SCRN3: variants seen among roughly 807,000 people sequenced by gnomAD.
The protein encoded by SCRN3 is secernin-3.
SCRN3 carries 39 observed loss-of-function variants against 43.1 expected under a neutral mutation model. The observed-to-expected ratio is 0.91, with a 90% confidence interval of 0.70 to 1.18. SCRN3 has a LOEUF of 1.18. SCRN3 is among the 50% of genes most tolerant of loss of function. The probability of loss-of-function intolerance (pLI) is 0.00; values close to 1 mark genes in which losing one functional copy is unlikely to be tolerated. For missense variants in SCRN3, 484 were observed against 498.0 expected (o/e 0.97, Z 0.27); for synonymous variants, 147 against 163.1 (o/e 0.90, Z 0.75).
At chr2:174,410,299 G>A (rs538324361) in intron 5 of SCRN3, 3 of 150,968 alleles carry the variant, frequency 2.0e-5, no homozygotes, top group African/African-American at 7.3e-5. Context: ...GTGAGGCAAT[G>A]CCTCGCCCTG....
rs530638467 is a variant in SCRN3, at chr2:174,428,105, G to A, written c.*210G>A. 2.6e-4 allele frequency: 90 copies of A among 346,720 alleles called. 1 individual carries two copies. Among genetic ancestry groups the A allele is most frequent in the African/African-American group, 1.1e-3 (55 of 48,032 alleles). The allele number at this position is 346,720 out of a possible 1,614,324, so 21.5% of individuals were successfully genotyped here. A position where few individuals can be genotyped will look rare whatever the true frequency, so the allele number is the denominator to read the frequency against. On this transcript the variant is annotated 3_prime_UTR_variant, in exon 8 of 8. Coordinates refer to ENST00000272732, the MANE Select transcript of SCRN3 (RefSeq NM_024583.5). ...AGCATTGGAATTGGATTCATGTATCGTGGGATACAGGTGTTATTTCAGGTG... is the reference window on the plus strand; with the variant it reads ...AGCATTGGAATTGGATTCATGTATCATGGGATACAGGTGTTATTTCAGGTG...
Position 174,427,852 on chromosome 2 carries a change from T to A in SCRN3, c.1232T>A (p.Ile411Asn), listed in dbSNP as rs1686542920. ...TTTCCTCAGTGTACAAAAGATGAAA[T>A]TCAAATTTATCAGTCAAATTTATCA... is the stretch of plus-strand genomic sequence containing the variant. ...NLFPQCTKDE[I>N]QIYQSNLSVK... The change falls in exon 8 of 8, where the codon ATT (isoleucine) becomes AAT (asparagine). Residue 411 changes from isoleucine (I) to asparagine (N), a missense_variant. Coordinates refer to ENST00000272732, the MANE Select transcript of SCRN3 (RefSeq NM_024583.5). The A allele has an allele frequency of 1.3e-6, 2 of 1,589,494 alleles. No homozygotes were observed. The highest frequency in any genetic ancestry group is 4.5e-5 in the East Asian group (2 of 44,574).
In SCRN3 at chr2:174,423,058, A is replaced by G. The variant is rs772250241; in HGVS notation, c.917+11A>G. On this transcript the variant is annotated intron_variant, in intron 6 of 7. Transcript: ENST00000272732. ...TCCTGATCCTGAGAGGTGAAGCCAC[A>G]AAATACTATAAACCAGCAAGGGGTC... 2.7e-5 allele frequency: 43 copies of G among 1,607,674 alleles called. No homozygotes were observed. The highest frequency in any genetic ancestry group is 2.5e-5 in the Non-Finnish European group (29 of 1,175,990).
intron 5 of SCRN3, among the ~76,000 whole-genome samples, chr2:174,418,647 A>C (rs1441813339): frequency 6.6e-6 from 1 of 152,218 alleles, no homozygotes; most frequent in Non-Finnish European, 1.5e-5. Context: ...AAATATTTTC[A>C]TAATACCTGT....
chr2:174,424,257 G>T (rs548658564), intron 6 of SCRN3, among the ~76,000 whole-genome samples: 2 of 152,248 alleles, frequency 1.3e-5, no homozygotes, highest in South Asian at 4.1e-4. Context: ...TTAGGTTCAT[G>T]GGAACACAAC....
rs113888684 is a variant in SCRN3, at chr2:174,404,116, T to C, written c.555T>C (p.Asn185=). Residue 185 remains asparagine, a synonymous_variant, in exon 5 of 8, where the codon AAT becomes AAC. Transcript: ENST00000272732. ...AAEKVQEGVR[N]ISNQLSITTK... is the part of the protein sequence containing the mutation. The stretch of plus-strand genomic sequence containing the variant: ...CTTTGAAAATAGAGGGAGTTCGTAA[T>C]ATTTCTAATCAACTTTCCATAACAA... The C allele has an allele frequency of 1.2e-6, 2 of 1,613,304 alleles. No homozygotes were observed. The highest frequency in any genetic ancestry group is 1.7e-6 in the Non-Finnish European group (2 of 1,179,464).
At chr2:174,414,535 A>G (rs1366944693) in intron 5 of SCRN3, among the ~76,000 whole-genome samples, 1 of 152,186 alleles carries the variant, frequency 6.6e-6, no homozygotes, top group Non-Finnish European at 1.5e-5. Context: ...CTGTTTCAAT[A>G]TATACAGAAC....
chr2:174,420,247 G>A (rs901404724), intron 5 of SCRN3, among the ~76,000 whole-genome samples: 2 of 152,036 alleles, frequency 1.3e-5, no homozygotes, highest in African/African-American at 4.8e-5. Flanking sequence ...AAGGTACCTG[G>A]GAAATACCCC....
intron 5 of SCRN3, among the ~76,000 whole-genome samples, chr2:174,409,037 A>G (rs1685802345): frequency 2.4e-5 from 2 of 82,496 alleles, no homozygotes; most frequent in African/African-American, 4.3e-5. Flanking sequence ...TCTCCTGGAT[A>G]ATATCCTGCA....
intron 5 of SCRN3, among the ~76,000 whole-genome samples, chr2:174,411,702 A>T (rs569311890): frequency 6.6e-6 from 1 of 152,274 alleles, no homozygotes; most frequent in African/African-American, 2.4e-5. Context: ...AGGGCAGTTC[A>T]TTTGAGGTCA....
At chr2:174,404,411 A>C (rs1559073350) in intron 5 of SCRN3, 96 bp downstream of exon 5, 1 of 769,632 alleles carries the variant, frequency 1.3e-6, no homozygotes, top group Non-Finnish European at 2.0e-6. Flanking sequence ...AATTATAATT[A>C]GTAAAAATAT....
At chr2:174,414,974 G>T (rs1225368457) in intron 5 of SCRN3, among the ~76,000 whole-genome samples, 1 of 151,954 alleles carries the variant, frequency 6.6e-6, no homozygotes, top group Non-Finnish European at 1.5e-5. Context: ...TGTTGGCCAG[G>T]CTGGTCTCTA....
intron 2 of SCRN3, among the ~76,000 whole-genome samples, chr2:174,399,676 T>C (rs1685436531): frequency 6.6e-6 from 1 of 152,182 alleles, no homozygotes; most frequent in Admixed American, 6.5e-5. Flanking sequence ...AACTAACATA[T>C]CTCTTGGCAG....
chr2:174,398,390 A>C lies in SCRN3; in HGVS notation c.107A>C (p.Glu36Ala). ...GATAGACTCTATGATGAAGTACAAG[A>C]GGTGGTTTATTTTCCTGCTGTAGTT... Reference protein sequence around the residue: ...NSDRLYDEVQEVVYFPAVVHD... With the variant: ...NSDRLYDEVQAVVYFPAVVHD... The change falls in exon 2 of 8, where the codon GAG becomes GCG. Residue 36 changes from glutamate (E) to alanine (A), a missense_variant. By Grantham distance (107) the Glu-to-Ala change is moderately radical. Coordinates refer to ENST00000272732, the MANE Select transcript of SCRN3 (RefSeq NM_024583.5). 1 of 1,606,920 alleles carries C rather than the reference A, an allele frequency of 6.2e-7. No homozygotes were observed. The highest frequency in any genetic ancestry group is 1.1e-5 in the South Asian group (1 of 88,856).
Position 174,404,244 on chromosome 2 carries a change from T to G in SCRN3, c.683T>G (p.Leu228Arg). 1 of 1,613,850 alleles carries G rather than the reference T, an allele frequency of 6.2e-7. No homozygotes were observed. The highest frequency in any genetic ancestry group is 8.5e-7 in the Non-Finnish European group (1 of 1,179,834). ...EFDFAAAYSY[L>R]DTAKMMTSSG... ...GATTTTGCTGCAGCATATTCCTATC[T>G]TGACACAGCCAAGATGATGACTTCA... The change falls in exon 5 of 8, where the codon CTT (leucine) becomes CGT (arginine). Residue 228 changes from leucine to arginine, a missense_variant. Transcript: ENST00000272732.
chr2:174,407,765 C>T (rs1480912566), intron 5 of SCRN3, among the ~76,000 whole-genome samples: 107 of 115,930 alleles, frequency 9.2e-4, no homozygotes, highest in Non-Finnish European at 1.4e-3. Flanking sequence ...TGTAGTTGAG[C>T]GGCTTTGAGT....
chr2:174,414,039 A>T (rs779250859), intron 5 of SCRN3, among the ~76,000 whole-genome samples: 1 of 152,154 alleles, frequency 6.6e-6, no homozygotes, highest in East Asian at 1.9e-4. Context: ...AACTTACCCT[A>T]TGCTTCATTC....
intron 5 of SCRN3, among the ~76,000 whole-genome samples, chr2:174,416,802 T>A (rs552688751): frequency 3.3e-5 from 5 of 152,336 alleles, no homozygotes; most frequent in Admixed American, 2.0e-4. Flanking sequence ...TATGAGTACA[T>A]TCCCCTGTAT....
intron 5 of SCRN3, among the ~76,000 whole-genome samples, chr2:174,419,177 T>C (rs1301072280): frequency 6.6e-6 from 1 of 152,222 alleles, no homozygotes; most frequent in Non-Finnish European, 1.5e-5. Flanking sequence ...TTGCTTTTCA[T>C]GCTCTCTTTG....
Sources: allele counts gnomAD v4.1 joint callset (sites outside exome capture counted in the v4.1 genomes callset), GRCh38; gene constraint gnomAD v4.1.1; transcripts MANE v1.5; gene names NCBI Gene and HGNC (gene_info 2026-07-23, HGNC 2026-07-21).